ADAM22: variants seen among roughly 807,000 people sequenced by gnomAD.
The protein encoded by ADAM22 is disintegrin and metalloproteinase domain-containing protein 22.
A neutral mutation model predicts 144.6 loss-of-function variants in ADAM22; 65 were observed. That is an observed-to-expected ratio of 0.45 (90% CI 0.37 to 0.55). The LOEUF is 0.55. Ranked by LOEUF, ADAM22 falls within the 20% of genes least tolerant of loss-of-function variation. The pLI is 0.00. For synonymous variants in ADAM22, 391 were observed against 412.6 expected (o/e 0.95, Z 0.63); for missense variants, 974 against 1,184.9 (o/e 0.82, Z 2.61).
intron 3 of ADAM22, among the ~76,000 whole-genome samples, chr7:87,994,862 C>G (rs1790752393): frequency 6.6e-6 from 1 of 151,812 alleles, no homozygotes; most frequent in Non-Finnish European, 1.5e-5. Flanking sequence ...GAGTCTTGCT[C>G]TGTCGCCCAG....
chr7:88,041,113 T>C (rs1192809671), intron 3 of ADAM22, among the ~76,000 whole-genome samples: 1 of 151,990 alleles, frequency 6.6e-6, no homozygotes, highest in Non-Finnish European at 1.5e-5. Flanking sequence ...TAACACAAAG[T>C]CAGCTGATAA....
At chr7:88,105,461 GCATCT>G (rs1446466678) in intron 4 of ADAM22, among the ~76,000 whole-genome samples, 1 of 152,120 alleles carries the variant, frequency 6.6e-6, no homozygotes, top group African/African-American at 2.4e-5. Context: ...GAAATCACGG[GCATCT>G]AAGTGATAAC....
intron 3 of ADAM22, among the ~76,000 whole-genome samples, chr7:88,021,010 A>G (rs748358525): frequency 5.3e-5 from 8 of 152,118 alleles, no homozygotes; most frequent in African/African-American, 1.7e-4. Context: ...GAGACAGCCA[A>G]CTCCAGGGGA....
chr7:87,956,700 A>G (rs1159467335), intron 2 of ADAM22, among the ~76,000 whole-genome samples: 1 of 152,248 alleles, frequency 6.6e-6, no homozygotes, highest in South Asian at 2.1e-4. Flanking sequence ...ATCGTACACT[A>G]TCCAGTCTTT....
intron 31 of ADAM22, 126 bp downstream of exon 31, chr7:88,193,365 A>C: frequency 8.6e-7 from 1 of 1,161,558 alleles, no homozygotes; most frequent in South Asian, 1.8e-5. Flanking sequence ...ATCAAACTTG[A>C]AAATAAGGAG....
rs200717662 is a variant in ADAM22 at position 88,053,630 on chromosome 7, A to AAG, written c.324-21994_324-21993dup. 1.1e-4 allele frequency among the ~76,000 whole-genome samples: 12 copies of AAG among 110,452 alleles called. No individual in the cohort carries two copies. In the East Asian group the frequency reaches 3.2e-3, roughly 29 times the overall value. 72.5% of individuals were successfully genotyped at this position (110,452 alleles called of 152,430 possible). ...AAAGAAAGAAAGAAAGAAAGAAAGA[A>AAG]AGAAAGAAAGAAAGAAAGAAACCAA... On this transcript the variant is annotated intron_variant, in intron 3 of 31. Transcript: ENST00000413139.
intron 3 of ADAM22, among the ~76,000 whole-genome samples, chr7:88,046,930 A>C (rs1221840141): frequency 1.3e-5 from 2 of 151,642 alleles, no homozygotes; most frequent in African/African-American, 4.9e-5. Context: ...TTAATAGTGG[A>C]ATGTGGTTGT....
At chr7:88,018,139 G>A (rs189871212) in intron 3 of ADAM22, among the ~76,000 whole-genome samples, 47 of 152,228 alleles carry the variant, frequency 3.1e-4, no homozygotes, top group African/African-American at 9.6e-4. Flanking sequence ...ATCACATAGT[G>A]TATCCTGTTT....
At chr7:87,975,412 CAGA>C (rs1851675658) in intron 2 of ADAM22, among the ~76,000 whole-genome samples, 1 of 152,170 alleles carries the variant, frequency 6.6e-6, no homozygotes, top group Non-Finnish European at 1.5e-5. Flanking sequence ...GGTAGGCTCT[CAGA>C]AGAAGGTTAT....
At chr7:88,043,484 CAAA>C (rs537365074) in intron 3 of ADAM22, among the ~76,000 whole-genome samples, 10 of 92,168 alleles carry the variant, frequency 1.1e-4, no homozygotes, top group Admixed American at 1.1e-4. Flanking sequence ...GGCTCAGTAT[CAAA>C]AAAAAAAAAA....
chr7:88,182,197 G>A (rs994221390), intron 29 of ADAM22, 173 bp downstream of exon 29: 9 of 590,508 alleles, frequency 1.5e-5, no homozygotes, highest in Non-Finnish European at 2.3e-5. Flanking sequence ...CTCTTACATA[G>A]GCATCTCCAC....
intron 22 of ADAM22, among the ~76,000 whole-genome samples, chr7:88,162,546 T>A (rs192135153): frequency 2.0e-5 from 3 of 152,178 alleles, no homozygotes; most frequent in African/African-American, 2.4e-5. Context: ...ATGAATAAAT[T>A]GTGAATATAT....
At chr7:87,934,612 C>T in intron 1 of ADAM22, 62 bp downstream of exon 1, 1 of 1,485,664 alleles carries the variant, frequency 6.7e-7, no homozygotes, top group Non-Finnish European at 9.1e-7. Context: ...TTGGAGCCCT[C>T]AGGCGTATTG....
At chr7:87,953,930 T>A (rs2129443527) in intron 2 of ADAM22, among the ~76,000 whole-genome samples, 1 of 152,304 alleles carries the variant, frequency 6.6e-6, no homozygotes, top group South Asian at 2.1e-4. Flanking sequence ...CTTGGTTGGT[T>A]TAAAGTCTGT....
At chr7:87,981,113 G>A (rs564325678) in intron 3 of ADAM22, among the ~76,000 whole-genome samples, 1 of 152,236 alleles carries the variant, frequency 6.6e-6, no homozygotes, top group South Asian at 2.1e-4. Context: ...AATGCAAGAT[G>A]TTGAAAAATG....
intron 4 of ADAM22, among the ~76,000 whole-genome samples, chr7:88,096,458 A>G (rs1211971113): frequency 6.6e-6 from 1 of 151,294 alleles, no homozygotes. Context: ...GCAGCATCCT[A>G]AAGCTCTGCT....
intron 3 of ADAM22, among the ~76,000 whole-genome samples, chr7:88,001,967 G>T (rs1792672231): frequency 1.3e-5 from 2 of 150,888 alleles, no homozygotes; most frequent in African/African-American, 4.9e-5. Flanking sequence ...GGAGGTCAGG[G>T]TTTTTTTTTA....
chr7:87,958,352 C>G (rs1847268957), intron 2 of ADAM22, among the ~76,000 whole-genome samples: 1 of 151,886 alleles, frequency 6.6e-6, no homozygotes, highest in South Asian at 2.1e-4. Context: ...TATCTGGAAC[C>G]ATAAGACTTT....
At chr7:88,137,122 A>T (rs1833174622) in intron 14 of ADAM22, among the ~76,000 whole-genome samples, 1 of 152,166 alleles carries the variant, frequency 6.6e-6, no homozygotes, top group Admixed American at 6.5e-5. Flanking sequence ...TGTGTGTTGG[A>T]GTAAAACATA....
Sources: allele counts gnomAD v4.1 joint callset (sites outside exome capture counted in the v4.1 genomes callset), GRCh38; gene constraint gnomAD v4.1.1; transcripts MANE v1.5; gene names NCBI Gene and HGNC (gene_info 2026-07-23, HGNC 2026-07-21).